Variants in DPY19L3 observed in about 807,000 individuals in gnomAD.
DPY19L3 encodes dpy-19 like C-mannosyltransferase 3, also known as protein C-mannosyl-transferase DPY19L3.
In DPY19L3, 51 loss-of-function variants were observed where a neutral mutation model predicts 92.3. That is an observed-to-expected ratio of 0.55 (90% CI 0.44 to 0.70). DPY19L3 has a LOEUF of 0.70. Ranked by LOEUF, DPY19L3 falls within the 30% of genes least tolerant of loss-of-function variation. DPY19L3 has a pLI of 0.00. For missense variants in DPY19L3, 706 were observed against 855.9 expected (o/e 0.82, Z 2.18); for synonymous variants, 309 against 315.2 (o/e 0.98, Z 0.21).
At chr19:32,460,242 A>G (rs1031105138) in intron 12 of DPY19L3, among the ~76,000 whole-genome samples, 3 of 152,120 alleles carry the variant, frequency 2.0e-5, no homozygotes, top group Non-Finnish European at 4.4e-5. Context: ...CTCTACGGAA[A>G]AAAAAAAGAA....
At chr19:32,412,232 T>C (rs1374253202) in intron 3 of DPY19L3, 1 of 152,182 alleles carries the variant, frequency 6.6e-6, no homozygotes, top group Non-Finnish European at 1.5e-5. Context: ...TTAGCAGTTA[T>C]TCTAAATTAG....
At chr19:32,468,621 T>TA (rs1970264607) in intron 15 of DPY19L3, 110 bp from the exon 16 acceptor site, 1 of 1,446,944 alleles carries the variant, frequency 6.9e-7, no homozygotes. Context: ...TAGCTATGTT[T>TA]ATTTAGTTCA....
At chr19:32,436,855 C>G (rs1363798067) in intron 5 of DPY19L3, among the ~76,000 whole-genome samples, 3 of 152,184 alleles carry the variant, frequency 2.0e-5, no homozygotes, top group Non-Finnish European at 4.4e-5. Context: ...ATTACACATT[C>G]ACTCCTGATG....
At chr19:32,468,131 C>T (rs760686290) in intron 15 of DPY19L3, 114 of 965,976 alleles carry the variant, frequency 1.2e-4, no homozygotes, top group East Asian at 1.0e-3. Flanking sequence ...GTAGCTCTGC[C>T]GCTTGTGACT....
At chr19:32,475,988 C>T (rs1007668104) in intron 16 of DPY19L3, among the ~76,000 whole-genome samples, 1 of 152,136 alleles carries the variant, frequency 6.6e-6, no homozygotes, top group Non-Finnish European at 1.5e-5. Flanking sequence ...TTTTTCCTCA[C>T]TTAAGAACGC....
At chr19:32,413,871 G>A (rs1051583041) in intron 3 of DPY19L3, among the ~76,000 whole-genome samples, 2 of 152,052 alleles carry the variant, frequency 1.3e-5, no homozygotes, top group African/African-American at 4.8e-5. Context: ...GACCACAGGT[G>A]CACGTCACTG....
chr19:32,467,551 G>A, intron 15 of DPY19L3: 3 of 987,586 alleles, frequency 3.0e-6, no homozygotes, highest in Non-Finnish European at 3.6e-6. Flanking sequence ...AGATTTGAAT[G>A]AGCAGTAAAA....
At chr19:32,441,725 T>C (rs973623148) in intron 8 of DPY19L3, among the ~76,000 whole-genome samples, 2 of 152,208 alleles carry the variant, frequency 1.3e-5, no homozygotes, top group East Asian at 1.9e-4. Context: ...CTTGAACTCC[T>C]GACCTCAAGG....
At position 32,477,542 on chromosome 19, in the gene DPY19L3, CTG is replaced by C; in HGVS notation, c.1722_1723del (p.Phe575CysfsTer25). ...TTCAGCTCTAACACTCCAAGAAAGG[CTG>C]TGTTTGCGGGAAGCATGCAGTTGCT... On this transcript the variant is annotated frameshift_variant, in exon 17 of 19. Coordinates refer to ENST00000392250, the MANE Select transcript of DPY19L3 (RefSeq NM_001172774.2). LOFTEE classifies it high-confidence loss of function. 1 of 1,614,152 alleles carries C rather than the reference CTG, an allele frequency of 6.2e-7. No individual in the cohort carries two copies. The highest frequency in any genetic ancestry group is 8.5e-7 in the Non-Finnish European group (1 of 1,180,034).
intron 16 of DPY19L3, among the ~76,000 whole-genome samples, chr19:32,472,906 A>G (rs1970399654): frequency 6.6e-6 from 1 of 152,234 alleles, no homozygotes; most frequent in South Asian, 2.1e-4. Context: ...TAACCAAAGC[A>G]GAAAGTTCGT....
In DPY19L3 at chr19:32,458,346, C is replaced by T; in HGVS notation, c.1164-5C>T. 1 of 1,609,620 alleles carries T rather than the reference C, an allele frequency of 6.2e-7. No homozygotes were observed. The highest frequency in any genetic ancestry group is 1.1e-5 in the South Asian group (1 of 89,868). On this transcript the variant is annotated splice_region_variant and splice_polypyrimidine_tract_variant and intron_variant, in intron 11 of 18. Transcript: ENST00000392250. The stretch of plus-strand genomic sequence containing the variant: ...TTAATACTTTGCTTTCCATTTGTTC[C>T]CTAGGGATTTTGATGCAAATCTCTA...
chr19:32,436,937 C>T (rs1397481152), intron 5 of DPY19L3, among the ~76,000 whole-genome samples: 1 of 151,838 alleles, frequency 6.6e-6, no homozygotes, highest in African/African-American at 2.4e-5. Context: ...GACGTATCAT[C>T]AGACAAAGTT....
intron 2 of DPY19L3, among the ~76,000 whole-genome samples, chr19:32,410,968 A>G (rs1216453289): frequency 1.3e-5 from 2 of 152,224 alleles, no homozygotes; most frequent in Non-Finnish European, 2.9e-5. Context: ...AGAGGCCCTC[A>G]GTATTAAACA....
chr19:32,454,518 G>C (rs1318181281), intron 9 of DPY19L3, among the ~76,000 whole-genome samples: 1 of 152,158 alleles, frequency 6.6e-6, no homozygotes, highest in Non-Finnish European at 1.5e-5. Context: ...AGCTTGCAGT[G>C]AGCGGAGATT....
At chr19:32,415,467 T>G (rs1968347720) in intron 3 of DPY19L3, among the ~76,000 whole-genome samples, 2 of 152,096 alleles carry the variant, frequency 1.3e-5, no homozygotes. Context: ...GGAGAGGGGA[T>G]GTACTGGGAA....
At chr19:32,446,124 G>T (rs1171411382) in intron 8 of DPY19L3, among the ~76,000 whole-genome samples, 1 of 152,136 alleles carries the variant, frequency 6.6e-6, no homozygotes, top group Non-Finnish European at 1.5e-5. Flanking sequence ...TTAAATGGAG[G>T]TTAGGGTTCT....
At chr19:32,442,067 T>C (rs1305810900) in intron 8 of DPY19L3, among the ~76,000 whole-genome samples, 1 of 152,222 alleles carries the variant, frequency 6.6e-6, no homozygotes, top group Admixed American at 6.5e-5. Flanking sequence ...GCAAGTGATT[T>C]AACTTAGTTT....
chr19:32,442,401 C>T (rs1288133491), intron 8 of DPY19L3, among the ~76,000 whole-genome samples: 2 of 152,142 alleles, frequency 1.3e-5, no homozygotes, highest in Admixed American at 6.5e-5. Context: ...ATGATAAATG[C>T]TTAAGAGATC....
intron 3 of DPY19L3, chr19:32,428,106 G>C (rs1180434381): frequency 1.3e-5 from 2 of 151,574 alleles, no homozygotes; most frequent in African/African-American, 4.9e-5. Context: ...CAAGTAGCTG[G>C]AATTACAGAC....
Sources: allele counts gnomAD v4.1 joint callset (sites outside exome capture counted in the v4.1 genomes callset), GRCh38; gene constraint gnomAD v4.1.1; transcripts MANE v1.5; gene names NCBI Gene and HGNC (gene_info 2026-07-23, HGNC 2026-07-21).